The following EFL1 variants were observed in gnomAD, a reference collection of about 807,000 sequenced individuals.
EFL1 encodes elongation factor-like GTPase 1.
In EFL1, 76 loss-of-function variants were observed where a neutral mutation model predicts 126.7. The ratio of observed to expected loss-of-function variants is 0.60; its 90% CI spans 0.50 to 0.73. EFL1 has a LOEUF of 0.73. EFL1 is among the 30% of genes least tolerant of loss of function. The probability of loss-of-function intolerance (pLI) is 0.00; values close to 1 mark genes in which losing one functional copy is unlikely to be tolerated. For missense variants in EFL1, 1,128 were observed against 1,343.2 expected (o/e 0.84, Z 2.50); for synonymous variants, 410 against 448.4 (o/e 0.91, Z 1.08).
intron 18 of EFL1, among the ~76,000 whole-genome samples, chr15:82,142,194 G>C (rs1238192245): frequency 6.6e-6 from 1 of 152,164 alleles, no homozygotes; most frequent in Non-Finnish European, 1.5e-5. Context: ...TCACTTGTTT[G>C]TTCAGTCACT....
intron 18 of EFL1, among the ~76,000 whole-genome samples, chr15:82,140,891 A>G (rs1289974691): frequency 6.6e-6 from 1 of 152,080 alleles, no homozygotes; most frequent in African/African-American, 2.4e-5. Flanking sequence ...ATACTCTAAA[A>G]CTCATTTTCT....
chr15:82,190,893 TA>T (rs1385989215), intron 15 of EFL1, among the ~76,000 whole-genome samples: 1 of 152,132 alleles, frequency 6.6e-6, no homozygotes, highest in Non-Finnish European at 1.5e-5. Context: ...ACAAAACACT[TA>T]AAAATGGATA....
intron 15 of EFL1, among the ~76,000 whole-genome samples, chr15:82,211,973 G>T (rs2651691): frequency 5.3e-5 from 8 of 152,282 alleles, no homozygotes; most frequent in Non-Finnish European, 1.0e-4. Context: ...AGAAGCAATC[G>T]TGAAGATAAT....
chr15:82,243,744 C>T (rs2074946235), intron 4 of EFL1, among the ~76,000 whole-genome samples: 1 of 146,814 alleles, frequency 6.8e-6, no homozygotes, highest in Admixed American at 6.8e-5. Flanking sequence ...AAAACGAATA[C>T]CTATCTACTT....
intron 18 of EFL1, among the ~76,000 whole-genome samples, chr15:82,144,498 C>A (rs1331778702): frequency 6.6e-6 from 1 of 152,072 alleles, no homozygotes; most frequent in African/African-American, 2.4e-5. Flanking sequence ...TAAAGCTTCC[C>A]TAGAAAACCA....
chr15:82,177,724 A>T (rs2074209755), intron 15 of EFL1, among the ~76,000 whole-genome samples: 1 of 152,190 alleles, frequency 6.6e-6, no homozygotes, highest in African/African-American at 2.4e-5. Context: ...TTTATTTATT[A>T]AAAAACATCC....
chr15:82,225,631 G>C (rs1275789413), intron 11 of EFL1, among the ~76,000 whole-genome samples: 1 of 152,054 alleles, frequency 6.6e-6, no homozygotes, highest in African/African-American at 2.4e-5. Flanking sequence ...TGTTACCAAA[G>C]GCCAACAATC....
intron 15 of EFL1, 119 bp from the exon 16 acceptor site, chr15:82,164,103 G>T: frequency 7.7e-7 from 1 of 1,297,278 alleles, no homozygotes. Flanking sequence ...CCAAAATGTT[G>T]CAAGAAATGA....
In EFL1 at chr15:82,196,808, C is replaced by T. The variant is rs1181829444; in HGVS notation, c.1750+17909G>A. Among the ~76,000 whole-genome samples, 9 of 152,066 alleles carry T rather than the reference C, an allele frequency of 5.9e-5. 1 individual carries two copies. Among genetic ancestry groups the T allele is most frequent in the Non-Finnish European group, 1.0e-4 (7 of 67,992 alleles). The stretch of plus-strand genomic sequence containing the variant: ...CAGCACTTTGGGAGGCCAAGGCGGG[C>T]GGATCACGAGGTCAGGAGTTCGAGA... On this transcript the variant is annotated intron_variant, in intron 15 of 19. Transcript: ENST00000268206.
chr15:82,156,961 G>A (rs1179980942), intron 17 of EFL1, among the ~76,000 whole-genome samples: 3 of 152,180 alleles, frequency 2.0e-5, no homozygotes, highest in Admixed American at 6.5e-5. Flanking sequence ...TTTATTGCTA[G>A]TTATAATGTA....
intron 19 of EFL1, among the ~76,000 whole-genome samples, chr15:82,136,291 T>A (rs898785942): frequency 1.2e-4 from 18 of 152,214 alleles, no homozygotes; most frequent in African/African-American, 3.9e-4. Context: ...TTACTTAACC[T>A]ACATCCTCTT....
chr15:82,239,089 T>C (rs1422928866), intron 6 of EFL1, among the ~76,000 whole-genome samples: 2 of 152,184 alleles, frequency 1.3e-5, no homozygotes, highest in African/African-American at 2.4e-5. Flanking sequence ...CAAATACCAC[T>C]GACCTTTCTC....
At position 82,157,699 on chromosome 15, in the gene EFL1, C is replaced by T; in HGVS notation, c.2030+14G>A. On this transcript the variant is annotated intron_variant, in intron 17 of 19. Coordinates refer to ENST00000268206, the MANE Select transcript of EFL1 (RefSeq NM_024580.6). ...AGAGCTATCATTTCTCCATCGCTAT[C>T]ATTTTCACCTAACCTTTCTTTTAAG... 1.2e-6 allele frequency: 2 copies of T among 1,605,416 alleles called. No individual in the cohort carries two copies. The highest frequency in any genetic ancestry group is 1.7e-6 in the Non-Finnish European group (2 of 1,173,832).
intron 15 of EFL1, among the ~76,000 whole-genome samples, chr15:82,192,069 C>T (rs1171765058): frequency 6.6e-6 from 1 of 151,938 alleles, no homozygotes; most frequent in Non-Finnish European, 1.5e-5. Flanking sequence ...TAAAAAACAT[C>T]TGCTGAGACA....
At chr15:82,146,343 A>G (rs1156854784) in intron 18 of EFL1, among the ~76,000 whole-genome samples, 1 of 152,216 alleles carries the variant, frequency 6.6e-6, no homozygotes, top group Non-Finnish European at 1.5e-5. Flanking sequence ...AACAGTCAGC[A>G]AAGTCTGAAG....
At chr15:82,233,314 C>T (rs28610286) in intron 7 of EFL1, among the ~76,000 whole-genome samples, 70,043 of 151,976 alleles carry the variant, frequency 0.46, 16,592 homozygotes, top group African/African-American at 0.51. Flanking sequence ...CTAGCACTTC[C>T]CCATTCTTGA....
At chr15:82,160,668 A>C (rs2074014028) in intron 16 of EFL1, among the ~76,000 whole-genome samples, 1 of 152,196 alleles carries the variant, frequency 6.6e-6, no homozygotes. Flanking sequence ...ACTAATATGG[A>C]TAAAGGATAA....
At chr15:82,233,344 C>A (rs1240562430) in intron 7 of EFL1, among the ~76,000 whole-genome samples, 1 of 152,144 alleles carries the variant, frequency 6.6e-6, no homozygotes, top group Non-Finnish European at 1.5e-5. Context: ...TAATTCATTT[C>A]CTCTACAGAG....
chr15:82,152,029 G>GCTC lies in EFL1; in HGVS notation c.2422_2424dup (p.Glu808dup), dbSNP rs1448937489. ...CTCCATCTTCTCCCTGTTAGGTGTT[G>GCTC]CTCCAGTTTTCCTTTGAATTCCCAA... On this transcript the variant is annotated inframe_insertion, in exon 18 of 20. Coordinates refer to ENST00000268206, the MANE Select transcript of EFL1 (RefSeq NM_024580.6). The GCTC allele has an allele frequency of 1.1e-5, 17 of 1,614,116 alleles. No individual in the cohort carries two copies. The highest frequency in any genetic ancestry group is 1.4e-5 in the Non-Finnish European group (17 of 1,180,036).
Sources: allele counts gnomAD v4.1 joint callset (sites outside exome capture counted in the v4.1 genomes callset), GRCh38; gene constraint gnomAD v4.1.1; transcripts MANE v1.5; gene names NCBI Gene and HGNC (gene_info 2026-07-23, HGNC 2026-07-21).